PDE4C: variants seen among roughly 807,000 people sequenced by gnomAD.
PDE4C encodes 3',5'-cyclic-AMP phosphodiesterase 4C.
Under a neutral mutation model 63.9 loss-of-function variants are expected in PDE4C, and 50 were observed. The ratio of observed to expected loss-of-function variants is 0.78; its 90% CI spans 0.62 to 0.99. The LOEUF (loss-of-function observed/expected upper bound fraction) is 0.99. Among genes scored for constraint, PDE4C ranks in the 50% least tolerant of loss-of-function variants. The probability of loss-of-function intolerance (pLI) is 0.00; values close to 1 mark genes in which losing one functional copy is unlikely to be tolerated. For synonymous variants in PDE4C, 377 were observed against 385.1 expected (o/e 0.98, Z 0.25); for missense variants, 777 against 899.1 (o/e 0.86, Z 1.74).
exon 14 of PDE4C, chr19:18,211,907 C>T (rs1967968790): frequency 1.2e-6 from 2 of 1,614,094 alleles, no homozygotes; most frequent in Non-Finnish European, 1.7e-6. Flanking sequence ...GGTGGGGTTG[C>T]TCAGATCAGC....
intron 9 of PDE4C, 113 bp downstream of exon 9, chr19:18,218,827 C>A: frequency 2.4e-6 from 2 of 843,918 alleles, no homozygotes; most frequent in Non-Finnish European, 4.1e-6. Context: ...AAATTATCCC[C>A]TTCAGAAATG....
intron 3 of PDE4C, 32 bp downstream of exon 3, chr19:18,221,229 G>C: frequency 6.4e-7 from 1 of 1,557,840 alleles, no homozygotes; most frequent in South Asian, 1.2e-5. Context: ...GATCCGGAGG[G>C]GGTCAGGGCA....
intron 1 of PDE4C, among the ~76,000 whole-genome samples, chr19:18,225,159 G>T (rs1379671034): frequency 1.3e-5 from 2 of 152,158 alleles, no homozygotes; most frequent in Non-Finnish European, 2.9e-5. Flanking sequence ...CGGGCGGTGC[G>T]GGGGTAGAGC....
chr19:18,212,992 G>A (rs1968026979), intron 13 of PDE4C, among the ~76,000 whole-genome samples: 1 of 140,070 alleles, frequency 7.1e-6, no homozygotes, highest in African/African-American at 2.5e-5. Context: ...GGCTGCTAAA[G>A]TTGTTTTTAA....
exon 8 of PDE4C, chr19:18,219,326 C>T: frequency 6.2e-7 from 1 of 1,614,074 alleles, no homozygotes; most frequent in Non-Finnish European, 8.5e-7. Context: ...CCATGTAGGC[C>T]ACTGATCCGG....
chr19:18,239,442 G>A (rs1022464107), intron 1 of PDE4C, among the ~76,000 whole-genome samples: 1 of 152,198 alleles, frequency 6.6e-6, no homozygotes, highest in African/African-American at 2.4e-5. Flanking sequence ...AGGGCAAGCG[G>A]CCTCAGTTTG....
At chr19:18,226,889 A>G (rs911612034), upstream of PDE4C, among the ~76,000 whole-genome samples, 15 of 151,986 alleles carry the variant, frequency 9.9e-5, no homozygotes, top group African/African-American at 3.6e-4. Flanking sequence ...TATAGGTGTG[A>G]GCCATTGCGC....
chr19:18,221,714 T>TC (rs1419494168), intron 2 of PDE4C, among the ~76,000 whole-genome samples: 1 of 152,120 alleles, frequency 6.6e-6, no homozygotes, highest in African/African-American at 2.4e-5. Flanking sequence ...AACCTCCGCC[T>TC]CCTGGGTTCA....
Position 18,231,552 on chromosome 19 carries a change from T to A in PDE4C, c.242+1398A>T, listed in dbSNP as rs571969165. ...CTCCCAGGCTGCTGGAGGGCCAGGC[T>A]GGGGGCGAGAGGCCAGGCTTGCTGA... is the stretch of plus-strand genomic sequence containing the variant. On this transcript the variant is annotated intron_variant, in intron 1 of 14. Coordinates refer to the PDE4C transcript ENST00000594465. Among the ~76,000 whole-genome samples, 509 of 152,206 alleles carry A rather than the reference T, an allele frequency of 3.3e-3. 2 individuals carry two copies. The highest frequency in any genetic ancestry group is 0.011 in the African/African-American group (471 of 41,534).
At chr19:18,239,805 C>T (rs1969008461) in intron 1 of PDE4C, among the ~76,000 whole-genome samples, 1 of 151,762 alleles carries the variant, frequency 6.6e-6, no homozygotes, top group South Asian at 2.1e-4. Flanking sequence ...GCAGGCGGAT[C>T]GCTTAGGGTC....
upstream of PDE4C, among the ~76,000 whole-genome samples, chr19:18,251,181 A>T (rs948654756): frequency 6.7e-6 from 1 of 148,170 alleles, no homozygotes; most frequent in Admixed American, 6.9e-5. Context: ...GCTGGAGTGC[A>T]GTGGTTCAAT....
chr19:18,245,050 T>C (rs192777063), intron 1 of PDE4C, among the ~76,000 whole-genome samples: 50 of 152,244 alleles, frequency 3.3e-4, no homozygotes, highest in Admixed American at 9.2e-4. Flanking sequence ...TTGGCCAGGA[T>C]GGTCTCGATC....
intron 1 of PDE4C, among the ~76,000 whole-genome samples, chr19:18,232,171 C>A (rs1378603472): frequency 6.6e-6 from 1 of 152,012 alleles, no homozygotes; most frequent in Non-Finnish European, 1.5e-5. Flanking sequence ...TCAAGACCAG[C>A]CTGGGTAACA....
chr19:18,251,033 C>T (rs866468851), upstream of PDE4C, among the ~76,000 whole-genome samples: 66 of 152,210 alleles, frequency 4.3e-4, 1 homozygote, highest in African/African-American at 1.6e-3. Context: ...GCCTCGGCCT[C>T]CCAAAGTGCT....
chr19:18,214,250 CA>C (rs78275392), intron 12 of PDE4C, among the ~76,000 whole-genome samples: 3,659 of 113,418 alleles, frequency 0.032, 119 homozygotes, highest in African/African-American at 0.1. Context: ...GACTCCGTCT[CA>C]AAAAAAAAAA....
At chr19:18,249,028 T>TAA (rs35271467), upstream of PDE4C, among the ~76,000 whole-genome samples, 3,345 of 136,272 alleles carry the variant, frequency 0.025, 157 homozygotes, top group African/African-American at 0.086. Context: ...TCCATCTTAT[T>TAA]AAAAAAAAAA....
chr19:18,229,969 T>C (rs139285382), upstream of PDE4C, among the ~76,000 whole-genome samples: 5 of 152,282 alleles, frequency 3.3e-5, no homozygotes, highest in South Asian at 4.2e-4. Flanking sequence ...TTCCACCCCA[T>C]GGCCCTCACC....
intron 7 of PDE4C, among the ~76,000 whole-genome samples, chr19:18,219,818 G>T (rs1968379101): frequency 6.7e-6 from 1 of 149,280 alleles, no homozygotes; most frequent in Admixed American, 6.7e-5. Flanking sequence ...GTGAAACTCT[G>T]TATCAAAAAA....
chr19:18,251,074 C>A (rs1252373060), upstream of PDE4C, among the ~76,000 whole-genome samples: 1 of 151,466 alleles, frequency 6.6e-6, no homozygotes, highest in Non-Finnish European at 1.5e-5. Flanking sequence ...CTGAGCCCAG[C>A]CTAATTTTTA....
Sources: gnomAD v4.1 joint callset for allele counts (sites outside exome capture counted in the v4.1 genomes callset) on GRCh38, gnomAD v4.1.1 for gene constraint, MANE v1.5 for transcripts, NCBI Gene and HGNC (gene_info 2026-07-23, HGNC 2026-07-21) for gene names.